SPECC1: variants seen among roughly 807,000 people sequenced by gnomAD.
The protein encoded by SPECC1 is cytospin-B.
Under a neutral mutation model 104.1 loss-of-function variants are expected in SPECC1, and 62 were observed. The ratio of observed to expected loss-of-function variants is 0.60; its 90% CI spans 0.49 to 0.74. The LOEUF is 0.74. Ranked by LOEUF, SPECC1 falls within the 30% of genes least tolerant of loss-of-function variation. The pLI is 0.00. For synonymous variants in SPECC1, 513 were observed against 501.6 expected (o/e 1.02, Z -0.30); for missense variants, 1,306 against 1,310.5 (o/e 1.00, Z 0.05).
rs1420200225 is a variant in SPECC1, at chr17:20,257,579, C to G, written c.2809C>G (p.Arg937Gly). Residue 937 changes from arginine (R) to glycine (G), a missense_variant, in exon 11 of 15, where the codon CGG (arginine) becomes GGG (glycine). Arg to Gly is a moderately radical substitution (Grantham distance 125). Coordinates refer to ENST00000395527, the MANE Select transcript of SPECC1 (RefSeq NM_001243439.2). ...GDTRLLSAST[R>G]AWKPQSKLSV... is the part of the protein sequence containing the mutation. ...CACAAGACTGCTGAGTGCTTCCACC[C>G]GGGCATGGAAACCACAAAGCAAACT... 2 of 1,612,674 alleles carry G rather than the reference C, an allele frequency of 1.2e-6. No individual in the cohort carries two copies. Among genetic ancestry groups the G allele is most frequent in the Admixed American group, 1.7e-5 (1 of 59,526 alleles).
intron 12 of SPECC1, among the ~76,000 whole-genome samples, chr17:20,278,752 G>C (rs1325042933): frequency 6.6e-6 from 1 of 150,848 alleles, no homozygotes; most frequent in African/African-American, 2.5e-5. Flanking sequence ...CCATGAGTTA[G>C]CCTCGTCTTC....
chr17:20,060,292 T>A (rs17759083), intron 1 of SPECC1, among the ~76,000 whole-genome samples: 49,516 of 152,030 alleles, frequency 0.33, 8,669 homozygotes, highest in Middle Eastern at 0.45. Flanking sequence ...ACCATCAAAC[T>A]TTGAAAGTGA....
In SPECC1 at chr17:20,257,535, C is replaced by T. The variant is rs535433642; in HGVS notation, c.2765C>T (p.Pro922Leu). 2.0e-5 allele frequency: 33 copies of T among 1,613,592 alleles called. No individual in the cohort carries two copies. The highest frequency in any genetic ancestry group is 4.0e-5 in the African/African-American group (3 of 74,956). Residue 922 changes from proline (P) to leucine (L), a missense_variant, in exon 11 of 15, where the codon CCG becomes CTG. This residue lies in a region of SPECC1 where 1,177 missense variants were observed against 1,139.9 expected (regional missense o/e 1.03). Transcript: ENST00000395527. ...SPSLESLSRP[P>L]SLGFGDTRLL... ...TCACTAGAGTCACTGAGCAGACCCC[C>T]GTCTCTGGGCTTTGGGGACACAAGA...
chr17:20,081,202 T>C (rs1413246425), intron 1 of SPECC1, among the ~76,000 whole-genome samples: 1 of 152,154 alleles, frequency 6.6e-6, no homozygotes, highest in Non-Finnish European at 1.5e-5. Flanking sequence ...CATTTGATAG[T>C]TCCCTACACT....
chr17:20,073,295 A>G (rs541066641), intron 1 of SPECC1, among the ~76,000 whole-genome samples: 11 of 152,268 alleles, frequency 7.2e-5, no homozygotes, highest in Admixed American at 3.9e-4. Flanking sequence ...TGTGAAGAGC[A>G]GACTGAGTTT....
chr17:20,296,928 GTTCTTGTTTATTACTACT>G lies in SPECC1; in HGVS notation c.2941-30_2941-13del. 6.3e-7 allele frequency: 1 copy of G among 1,598,716 alleles called. No homozygotes were observed. Among genetic ancestry groups the G allele is most frequent in the Non-Finnish European group, 8.6e-7 (1 of 1,166,254 alleles). ...CTGTGATACTGCACAGTTTGCAATAGTTCTTGTTTATTACTACTTTTCTCTCCTGCAGAACATTGACAT... is the reference window on the plus strand; with the variant it reads ...CTGTGATACTGCACAGTTTGCAATAGTTTCTCTCCTGCAGAACATTGACAT... On this transcript the variant is annotated splice_polypyrimidine_tract_variant and intron_variant, in intron 12 of 14. Transcript: ENST00000395527.
At chr17:20,051,042 A>T (rs1307545248) in intron 1 of SPECC1, among the ~76,000 whole-genome samples, 1 of 150,564 alleles carries the variant, frequency 6.6e-6, no homozygotes, top group East Asian at 1.9e-4. Flanking sequence ...CCAAATAAGC[A>T]CTTGGTTCTT....
chr17:20,268,515 G>A (rs1028268971), intron 12 of SPECC1, among the ~76,000 whole-genome samples: 3 of 152,164 alleles, frequency 2.0e-5, no homozygotes, highest in East Asian at 1.9e-4. Context: ...AAGGCTACAC[G>A]CACAATTCAA....
chr17:20,175,221 A>T (rs2034389354), intron 3 of SPECC1, among the ~76,000 whole-genome samples: 1 of 152,198 alleles, frequency 6.6e-6, no homozygotes, highest in Non-Finnish European at 1.5e-5. Context: ...TCATCACGTT[A>T]GAACCCCTCA....
In SPECC1 at chr17:20,110,077, T is replaced by TCCTCCCACCTCAG. The variant is rs58241313; in HGVS notation, c.148-342_148-330dup. Among the ~76,000 whole-genome samples the TCCTCCCACCTCAG allele has an allele frequency of 6.4e-3, 978 of 152,164 alleles. 10 individuals are homozygous for TCCTCCCACCTCAG. Among genetic ancestry groups the TCCTCCCACCTCAG allele is most frequent in the African/African-American group, 0.022 (931 of 41,512 alleles). ...GGTCTTGAACTCCTGAGCCCAGCAGTCCTCCCACCTCAGCCTCCCAAAGTT... is the reference window on the plus strand; with the variant it reads ...GGTCTTGAACTCCTGAGCCCAGCAGTCCTCCCACCTCAGCCTCCCACCTCAGCCTCCCAAAGTT... On this transcript the variant is annotated intron_variant, in intron 2 of 14. Transcript: ENST00000395527.
At position 20,164,162 on chromosome 17, in the gene SPECC1, C is replaced by A. The variant is rs1390531261; in HGVS notation, c.284-40171C>A. ...TTCCAAATAATATTGGGATTTCTTC[C>A]CATGTAATTTTTTTTTTTTTTTTTT... On this transcript the variant is annotated intron_variant, in intron 3 of 14. Coordinates refer to ENST00000395527, the MANE Select transcript of SPECC1 (RefSeq NM_001243439.2). Among the ~76,000 whole-genome samples the A allele has an allele frequency of 2.0e-5, 3 of 151,164 alleles. No homozygotes were observed. The East Asian group carries it at 5.9e-4, about 30-fold the overall frequency.
At chr17:20,210,717 C>G (rs1480491233) in intron 4 of SPECC1, among the ~76,000 whole-genome samples, 3 of 152,234 alleles carry the variant, frequency 2.0e-5, no homozygotes, top group Admixed American at 2.0e-4. Context: ...ACAAAGTACT[C>G]ACAGTGATCT....
chr17:20,260,370 G>T (rs2039983585), intron 12 of SPECC1, 76 bp downstream of exon 12: 1 of 1,286,452 alleles, frequency 7.8e-7, no homozygotes, highest in Non-Finnish European at 1.1e-6. Context: ...TTCCTTGTGT[G>T]CCTGTGCTTG....
intron 12 of SPECC1, among the ~76,000 whole-genome samples, chr17:20,261,443 A>G (rs1257495267): frequency 6.8e-6 from 1 of 147,606 alleles, no homozygotes; most frequent in East Asian, 2.0e-4. Flanking sequence ...CGAAGCTTGC[A>G]GTGAGCCAAG....
chr17:20,056,364 C>A, intron 1 of SPECC1: 2 of 192,392 alleles, frequency 1.0e-5, no homozygotes, highest in East Asian at 1.3e-4. Flanking sequence ...CCAGCAAACC[C>A]CTCATCCTAG....
At chr17:20,193,753 A>T (rs1395019162) in intron 3 of SPECC1, among the ~76,000 whole-genome samples, 1 of 152,240 alleles carries the variant, frequency 6.6e-6, no homozygotes, top group East Asian at 1.9e-4. Context: ...TATTCCAAGT[A>T]AACTAAATTA....
chr17:20,222,791 G>C (rs1036658274), intron 4 of SPECC1, among the ~76,000 whole-genome samples: 2 of 152,050 alleles, frequency 1.3e-5, no homozygotes, highest in Non-Finnish European at 2.9e-5. Context: ...TGCATTTCTT[G>C]TCTGCTGTTG....
At chr17:20,261,105 G>A (rs918299829) in intron 12 of SPECC1, among the ~76,000 whole-genome samples, 2 of 152,270 alleles carry the variant, frequency 1.3e-5, no homozygotes, top group South Asian at 4.2e-4. Context: ...TGACTGTTAA[G>A]CAGGTATGTC....
At chr17:20,282,619 C>G (rs1490753289) in intron 12 of SPECC1, among the ~76,000 whole-genome samples, 1 of 152,116 alleles carries the variant, frequency 6.6e-6, no homozygotes, top group Non-Finnish European at 1.5e-5. Flanking sequence ...AAGTGGGTTG[C>G]CCTGCCTGAC....
Sources: gnomAD v4.1 joint callset for allele counts (sites outside exome capture counted in the v4.1 genomes callset) on GRCh38, gnomAD v4.1.1 for gene constraint, gnomAD v4.1.1 regional missense constraint, MANE v1.5 for transcripts, NCBI Gene and HGNC (gene_info 2026-07-23, HGNC 2026-07-21) for gene names.